The following SORCS3 variants were observed in gnomAD, a reference collection of about 807,000 sequenced individuals.
SORCS3 encodes sortilin related VPS10 domain containing receptor 3.
A neutral mutation model predicts 146.3 loss-of-function variants in SORCS3; 57 were observed. The observed-to-expected ratio is 0.39, with a 90% CI of 0.31 to 0.49. The LOEUF is 0.49. Ranked by LOEUF, SORCS3 falls within the 20% of genes least tolerant of loss-of-function variation. The pLI is 0.92. For synonymous variants in SORCS3, 653 were observed against 618.5 expected (o/e 1.06, Z -0.83); for missense variants, 1,341 against 1,575.5 (o/e 0.85, Z 2.52).
At chr10:104,889,355 A>G (rs2018725247) in intron 2 of SORCS3, among the ~76,000 whole-genome samples, 1 of 149,148 alleles carries the variant, frequency 6.7e-6, no homozygotes, top group South Asian at 2.1e-4. Flanking sequence ...TTTACATTTA[A>G]TGTAATTATT....
chr10:104,918,255 G>A (rs1022466813), intron 3 of SORCS3, among the ~76,000 whole-genome samples: 2 of 152,090 alleles, frequency 1.3e-5, no homozygotes, highest in South Asian at 2.1e-4. Flanking sequence ...GATATCCATG[G>A]AGTCTCGGTT....
At chr10:105,195,289 G>C (rs2056537794) in intron 14 of SORCS3, among the ~76,000 whole-genome samples, 1 of 152,084 alleles carries the variant, frequency 6.6e-6, no homozygotes, top group Non-Finnish European at 1.5e-5. Context: ...ACTGGAACTT[G>C]ATTATTTTCA....
chr10:105,021,635 G>A (rs2055198477), intron 4 of SORCS3, among the ~76,000 whole-genome samples: 1 of 152,054 alleles, frequency 6.6e-6, no homozygotes, highest in Non-Finnish European at 1.5e-5. Context: ...ATAATTTTGG[G>A]TGACTCACAT....
intron 1 of SORCS3, among the ~76,000 whole-genome samples, chr10:104,809,654 C>G (rs2017718997): frequency 6.6e-6 from 1 of 152,158 alleles, no homozygotes; most frequent in African/African-American, 2.4e-5. Flanking sequence ...TGCAGTTGGC[C>G]ACACCTGTTC....
In SORCS3 at chr10:105,147,524, A is replaced by G. The variant is rs549756496; in HGVS notation, c.1303-93A>G. 1.6e-4 allele frequency: 187 copies of G among 1,140,792 alleles called. 1 individual carries two copies. In the South Asian group the frequency reaches 3.0e-3, roughly 18 times the overall value. 70.7% of individuals were successfully genotyped at this position (1,140,792 alleles called of 1,614,324 possible). On this transcript the variant is annotated intron_variant, in intron 8 of 26. Coordinates refer to ENST00000369701, the MANE Select transcript of SORCS3 (RefSeq NM_014978.3). ...TTGCCTATAACTCAAGCTTTTTCTCAGCAATTTCATAAGTCATAGTAATTA... is the reference window on the plus strand; with the variant it reads ...TTGCCTATAACTCAAGCTTTTTCTCGGCAATTTCATAAGTCATAGTAATTA...
intron 1 of SORCS3, among the ~76,000 whole-genome samples, chr10:104,655,431 A>G (rs2015616226): frequency 6.6e-6 from 1 of 152,000 alleles, no homozygotes; most frequent in African/African-American, 2.4e-5. Context: ...AATAGCCAGC[A>G]TTGTCTGTTG....
chr10:104,827,713 T>G (rs904873282), intron 1 of SORCS3, among the ~76,000 whole-genome samples: 1 of 152,190 alleles, frequency 6.6e-6, no homozygotes, highest in Non-Finnish European at 1.5e-5. Context: ...TCTCTAACTA[T>G]GAAAGTCCCA....
intron 1 of SORCS3, among the ~76,000 whole-genome samples, chr10:104,692,242 G>A (rs1171436247): frequency 1.3e-5 from 2 of 152,134 alleles, no homozygotes; most frequent in Admixed American, 1.3e-4. Context: ...AGAAATAACA[G>A]AGGGAAGAAT....
intron 5 of SORCS3, among the ~76,000 whole-genome samples, chr10:105,061,652 CAAAA>C (rs57641383): frequency 1.7e-4 from 22 of 132,564 alleles, no homozygotes; most frequent in South Asian, 5.0e-4. Flanking sequence ...GACCCTATCT[CAAAA>C]AAAAAAAAAA....
At chr10:105,124,694 C>T (rs1393405511) in intron 7 of SORCS3, among the ~76,000 whole-genome samples, 1 of 152,126 alleles carries the variant, frequency 6.6e-6, no homozygotes, top group Admixed American at 6.5e-5. Context: ...CTCTTGTTTT[C>T]TTATAATCCA....
chr10:104,989,373 A>C (rs2054981005), intron 4 of SORCS3, among the ~76,000 whole-genome samples: 1 of 152,210 alleles, frequency 6.6e-6, no homozygotes, highest in African/African-American at 2.4e-5. Flanking sequence ...TTCTTACTTA[A>C]AAGTACCAAC....
chr10:105,189,989 C>T (rs1554885269), intron 14 of SORCS3, among the ~76,000 whole-genome samples: 1 of 152,204 alleles, frequency 6.6e-6, no homozygotes, highest in Non-Finnish European at 1.5e-5. Context: ...GCAGATTTCT[C>T]CTTTTTTCCT....
chr10:104,735,454 C>CTTTTTTTTTTTTTTTTTTTTTT (rs1554847561), intron 1 of SORCS3, among the ~76,000 whole-genome samples: 2 of 14,872 alleles, frequency 1.3e-4, no homozygotes, highest in South Asian at 3.1e-3. Flanking sequence ...CTCTCACCGT[C>CTTTTTTTTTTTTTTTTTTTTTT]TGTTTTTTTT....
chr10:105,055,766 C>T (rs2055441993), intron 5 of SORCS3, among the ~76,000 whole-genome samples: 1 of 152,014 alleles, frequency 6.6e-6, no homozygotes, highest in Admixed American at 6.6e-5. Context: ...ATATTTCTGA[C>T]CTGTTTTTCC....
intron 4 of SORCS3, among the ~76,000 whole-genome samples, chr10:104,986,921 CA>C (rs142501038): frequency 6.6e-6 from 1 of 151,962 alleles, no homozygotes; most frequent in African/African-American, 2.4e-5. Context: ...GTGAGAATTC[CA>C]AAAATATGGT....
At chr10:104,870,579 A>G (rs1193083037) in intron 2 of SORCS3, among the ~76,000 whole-genome samples, 1 of 152,190 alleles carries the variant, frequency 6.6e-6, no homozygotes. Flanking sequence ...AGGATGATGG[A>G]TCAGGTTGCT....
At chr10:104,718,134 A>G (rs970471943) in intron 1 of SORCS3, among the ~76,000 whole-genome samples, 1 of 152,164 alleles carries the variant, frequency 6.6e-6, no homozygotes, top group African/African-American at 2.4e-5. Context: ...CGACAGAGTG[A>G]GACTCCGTCC....
intron 3 of SORCS3, among the ~76,000 whole-genome samples, chr10:104,966,562 G>A (rs547671782): frequency 1.5e-4 from 23 of 152,142 alleles, no homozygotes; most frequent in Non-Finnish European, 1.9e-4. Flanking sequence ...TTGAACTAGA[G>A]TGTTTTCCTT....
chr10:104,712,161 A>G (rs770940848), intron 1 of SORCS3, among the ~76,000 whole-genome samples: 1 of 152,116 alleles, frequency 6.6e-6, no homozygotes, highest in Non-Finnish European at 1.5e-5. Context: ...TGTATGCATC[A>G]TCTCCTTGAA....
Sources: gnomAD v4.1 joint callset for allele counts (sites outside exome capture counted in the v4.1 genomes callset) on GRCh38, gnomAD v4.1.1 for gene constraint, MANE v1.5 for transcripts, NCBI Gene and HGNC (gene_info 2026-07-23, HGNC 2026-07-21) for gene names.